Variants in TSPAN32 observed in about 807,000 individuals in gnomAD.
The protein encoded by TSPAN32 is tetraspanin 32.
Under a neutral mutation model 42.7 loss-of-function variants are expected in TSPAN32, and 47 were observed. The ratio of observed to expected loss-of-function variants is 1.10; its 90% CI spans 0.87 to 1.40. The LOEUF is 1.40. Among genes scored for constraint, TSPAN32 ranks in the 40% most tolerant of loss-of-function variants. The pLI is 0.00. For missense variants in TSPAN32, 469 were observed against 424.1 expected (o/e 1.11, Z -0.93); for synonymous variants, 175 against 175.9 (o/e 0.99, Z 0.04).
chr11:2,317,330 C>T lies in TSPAN32; in HGVS notation c.720-14C>T. 1 of 1,577,314 alleles carries T rather than the reference C, an allele frequency of 6.3e-7. No homozygotes were observed. Among genetic ancestry groups the T allele is most frequent in the Non-Finnish European group, 8.6e-7 (1 of 1,160,990 alleles). ...AACATTCCACCACAGCCCCATGATC[C>T]CCTTGCTCCTCAGAGCATGTGGCCG... On this transcript the variant is annotated splice_polypyrimidine_tract_variant and intron_variant, in intron 8 of 9. Coordinates refer to ENST00000182290, the MANE Select transcript of TSPAN32 (RefSeq NM_139022.3). The surrounding 1 kb of genome is among the most constrained non-coding windows in gnomAD (Gnocchi z 6.2).
intron 3 of TSPAN32, among the ~76,000 whole-genome samples, chr11:2,306,044 C>CTTTGTGTGTGTG: frequency 2.4e-5 from 1 of 40,906 alleles, no homozygotes; most frequent in South Asian, 7.7e-4. Context: ...GTGCAGGTGC[C>CTTTGTGTGTGTG]TCTGTGTGTG....
chr11:2,315,656 A>C, intron 6 of TSPAN32: 1 of 1,189,350 alleles, frequency 8.4e-7, no homozygotes, highest in South Asian at 1.5e-5. Flanking sequence ...GGAGGCCTCC[A>C]CAGGCCGCCC....
chr11:2,307,339 G>C (rs1240482421), intron 3 of TSPAN32, among the ~76,000 whole-genome samples: 1 of 152,214 alleles, frequency 6.6e-6, no homozygotes, highest in Non-Finnish European at 1.5e-5. Context: ...ACCCTGAATG[G>C]GGCCCCAGGG....
Position 2,313,528 on chromosome 11 carries a change from A to T in TSPAN32, c.355-126A>T. ...GCTTTGGGGAGATCCACCTGCTACA[A>T]GGAGGGCAGTGCTGGGACGTCACTC... is the stretch of plus-strand genomic sequence containing the variant. On this transcript the variant is annotated intron_variant, in intron 4 of 9. Transcript: ENST00000182290. The surrounding 1 kb of genome is among the most constrained non-coding windows in gnomAD (Gnocchi z 9.1). 4.3e-6 allele frequency: 3 copies of T among 693,524 alleles called. No individual in the cohort carries two copies. Among genetic ancestry groups the T allele is most frequent in the Non-Finnish European group, 7.2e-6 (3 of 416,230 alleles). The allele number at this position is 693,524 out of a possible 1,614,324, so 43.0% of individuals were successfully genotyped here.
intron 4 of TSPAN32, among the ~76,000 whole-genome samples, chr11:2,311,449 G>A (rs926337956): frequency 6.6e-6 from 1 of 152,176 alleles, no homozygotes; most frequent in Non-Finnish European, 1.5e-5. Flanking sequence ...TCTGCTTCGG[G>A]AATAATTCAT....
rs148601311 is a variant in TSPAN32, at chr11:2,314,518, C to T, written c.490C>T (p.Arg164Cys). The change falls in exon 6 of 10, where the codon CGT becomes TGT. Residue 164 changes from arginine to cysteine, a missense_variant. By Grantham distance (180) the Arg-to-Cys change is radical (BLOSUM62 -3). Transcript: ENST00000182290. Reference protein sequence around the residue: ...LCCGKKSPFSRLGSTEADLCQ... With the variant: ...LCCGKKSPFSCLGSTEADLCQ... ...CTGTGGGAAGAAGTCTCCTTTCAGC[C>T]GTCTGGGGAGCACAGAGGCTGACCT... 8,160 of 1,612,504 alleles carry T rather than the reference C, an allele frequency of 5.1e-3. 31 individuals carry two copies. The highest frequency in any genetic ancestry group is 6.4e-3 in the Non-Finnish European group (7,491 of 1,179,368).
Position 2,302,146 on chromosome 11 carries a change from C to A in TSPAN32, c.-4C>A. On this transcript the variant is annotated 5_prime_UTR_variant, in exon 1 of 10. Transcript: ENST00000182290. ...GGGGAGGAGAGGAGAGGAGAGGAAC[C>A]GTCATGGGGCCTTGGAGTCGAGTCA... 6.9e-7 allele frequency: 1 copy of A among 1,456,164 alleles called. No homozygotes were observed. The highest frequency in any genetic ancestry group is 9.1e-7 in the Non-Finnish European group (1 of 1,102,300). The allele number at this position is 1,456,164 out of a possible 1,614,324, so 90.2% of individuals were successfully genotyped here. A position where few individuals can be genotyped will look rare whatever the true frequency, so the allele number is the denominator to read the frequency against.
chr11:2,315,185 CTGCT>C, intron 6 of TSPAN32: 32 of 1,056,602 alleles, frequency 3.0e-5, no homozygotes, highest in Non-Finnish European at 3.7e-5. Flanking sequence ...TGCCCCCTCC[CTGCT>C]CCCCTCCCCG....
At position 2,313,957 on chromosome 11, in the gene TSPAN32, C is replaced by T. The variant is rs183718080; in HGVS notation, c.456+202C>T. 6.6e-5 allele frequency among the ~76,000 whole-genome samples: 10 copies of T among 152,142 alleles called. No homozygotes were observed. The East Asian group carries it at 9.7e-4, about 15-fold the overall frequency. ...AGGACAAGGCCGCCTACCAGATTCT[C>T]GAGGCCCAGTGCAAAACGAGAGGGC... On this transcript the variant is annotated intron_variant, in intron 5 of 9. Transcript: ENST00000182290. This position sits in a 1 kb window ranked among gnomAD's most constrained non-coding sequence, Gnocchi z 9.1.
chr11:2,306,233 C>A (rs537733956), intron 3 of TSPAN32, among the ~76,000 whole-genome samples: 1 of 152,186 alleles, frequency 6.6e-6, no homozygotes, highest in East Asian at 1.9e-4. Context: ...ATGGGCTGGG[C>A]GCCTGGATGC....
chr11:2,315,707 C>T, intron 6 of TSPAN32: 3 of 1,209,448 alleles, frequency 2.5e-6, no homozygotes, highest in Non-Finnish European at 3.2e-6. Flanking sequence ...AGGCCTGCCA[C>T]CTCCCTTTTC....
intron 5 of TSPAN32, among the ~76,000 whole-genome samples, chr11:2,314,186 A>T (rs1848646788): frequency 1.3e-5 from 2 of 151,956 alleles, no homozygotes; most frequent in Admixed American, 1.3e-4. Context: ...AAAGAAAAGA[A>T]AAAATAAAAG....
intron 5 of TSPAN32, 90 bp from the exon 6 acceptor site, chr11:2,314,393 GAT>G: frequency 9.8e-7 from 1 of 1,023,966 alleles, no homozygotes; most frequent in Non-Finnish European, 1.5e-6. Context: ...ACCCCACCTG[GAT>G]ACTTGTGGTG....
Position 2,302,919 on chromosome 11 carries a change from T to C in TSPAN32, c.142T>C (p.Ser48Pro), listed in dbSNP as rs1366254792. ...GAHFAVIRRA[S>P]LEKNPYQAVH... ...CCACTTTGCTGTCATCCGCCGAGCG[T>C]CCCTGGAGAAGAACCCGTACCAGGC... Residue 48 changes from serine to proline, a missense_variant, in exon 2 of 10, where the codon TCC becomes CCC. By Grantham distance (74) the Ser-to-Pro change is moderately conservative. Transcript: ENST00000182290. The C allele has an allele frequency of 6.2e-7, 1 of 1,613,614 alleles. No homozygotes were observed. The highest frequency in any genetic ancestry group is 1.7e-5 in the Admixed American group (1 of 60,006).
chr11:2,317,382 G>A lies in TSPAN32; in HGVS notation c.758G>A (p.Arg253Lys), dbSNP rs1469811724. 6.3e-7 allele frequency: 1 copy of A among 1,598,378 alleles called. No individual in the cohort carries two copies. The highest frequency in any genetic ancestry group is 8.5e-7 in the Non-Finnish European group (1 of 1,172,508). The change falls in exon 9 of 10, where the codon AGA becomes AAA. Residue 253 changes from arginine to lysine, a missense_variant. By Grantham distance (26) the Arg-to-Lys change is conservative (BLOSUM62 2). Coordinates refer to ENST00000182290, the MANE Select transcript of TSPAN32 (RefSeq NM_139022.3). This position sits in a 1 kb window ranked among gnomAD's most constrained non-coding sequence, Gnocchi z 6.2. ...GRQPQEPSLL[R>K]CSQGGPTHCL... is the part of the protein sequence containing the mutation. The stretch of plus-strand genomic sequence containing the variant: ...CAGCCCCAGGAGCCCAGCCTCTTGA[G>A]ATGCTCCCAGGGTGGACCCACACAT...
chr11:2,302,099 A>G lies in TSPAN32; in HGVS notation c.-51A>G. 1 of 1,487,204 alleles carries G rather than the reference A, an allele frequency of 6.7e-7. No homozygotes were observed. The highest frequency in any genetic ancestry group is 8.9e-7 in the Non-Finnish European group (1 of 1,120,232). 92.1% of individuals were successfully genotyped at this position (1,487,204 alleles called of 1,614,324 possible). A position where few individuals can be genotyped will look rare whatever the true frequency, so the allele number is the denominator to read the frequency against. On this transcript the variant is annotated 5_prime_UTR_variant, in exon 1 of 10. Transcript: ENST00000182290. ...CGGTCTGAGGCCCCTGCCCAGCTGGAAACCACAGGGAGGGGAAGGGAGGGG... is the reference window on the plus strand; with the variant it reads ...CGGTCTGAGGCCCCTGCCCAGCTGGGAACCACAGGGAGGGGAAGGGAGGGG...
At position 2,312,073 on chromosome 11, in the gene TSPAN32, G is replaced by A. The variant is rs141564521; in HGVS notation, c.355-1581G>A. 6.0e-3 allele frequency among the ~76,000 whole-genome samples: 908 copies of A among 152,194 alleles called. 2 individuals are homozygous for A. Among genetic ancestry groups the A allele is most frequent in the Middle Eastern group, 0.014 (4 of 294 alleles). On this transcript the variant is annotated intron_variant, in intron 4 of 9. Coordinates refer to ENST00000182290, the MANE Select transcript of TSPAN32 (RefSeq NM_139022.3). ...CAGGCAGGGCAGGCAGAGCCAGGCA[G>A]GGCAGGCAGAGCAGGCCCCTCAGCC...
rs1007381312 is a variant in TSPAN32 at position 2,304,804 on chromosome 11, T to C, written c.279+600T>C. Among the ~76,000 whole-genome samples the C allele has an allele frequency of 1.3e-5, 2 of 151,982 alleles. No individual in the cohort carries two copies. The highest frequency in any genetic ancestry group is 2.9e-5 in the Non-Finnish European group (2 of 67,968). ...TCATTCCTACTCCTCCCCATGGGCTTCTGTCTTGGTCCCTGCCACTCGATG... is the reference window on the plus strand; with the variant it reads ...TCATTCCTACTCCTCCCCATGGGCTCCTGTCTTGGTCCCTGCCACTCGATG... On this transcript the variant is annotated intron_variant, in intron 3 of 9. Coordinates refer to ENST00000182290, the MANE Select transcript of TSPAN32 (RefSeq NM_139022.3). The surrounding 1 kb of genome is among the most constrained non-coding windows in gnomAD (Gnocchi z 4.8).
intron 4 of TSPAN32, among the ~76,000 whole-genome samples, chr11:2,312,045 G>GGGCAGGCAGGGCAGGCAGA (rs1554940994): frequency 1.1e-4 from 16 of 144,466 alleles, no homozygotes; most frequent in Non-Finnish European, 2.0e-4. Flanking sequence ...AGGGCAGGCA[G>GGGCAGGCAGGGCAGGCAGA]GGCAGGCAGG....
Sources: allele counts gnomAD v4.1 joint callset (sites outside exome capture counted in the v4.1 genomes callset), GRCh38; gene constraint gnomAD v4.1.1; non-coding constraint Gnocchi (gnomAD v3.1); transcripts MANE v1.5; gene names NCBI Gene and HGNC (gene_info 2026-07-23, HGNC 2026-07-21).